The following RLF variants were observed in gnomAD, a reference collection of about 807,000 sequenced individuals.
The protein encoded by RLF is zinc finger protein Rlf.
RLF carries 7 observed loss-of-function variants against 162.9 expected under a neutral mutation model. The observed-to-expected ratio is 0.04, with a 90% CI of 0.02 to 0.08. The LOEUF (loss-of-function observed/expected upper bound fraction) is 0.08, where lower values mean the gene tolerates loss of function less well. RLF is among the 10% of genes least tolerant of loss of function. The probability of loss-of-function intolerance (pLI) is 1.00; values close to 1 mark genes in which losing one functional copy is unlikely to be tolerated. For missense variants in RLF, 1,664 were observed against 2,244.7 expected, an observed-to-expected ratio of 0.74 and a Z score of 5.23; for synonymous variants, 782 against 791.5, an observed-to-expected ratio of 0.99 and a Z score of 0.20.
At chr1:40,177,292 C>T (rs1570519060) in intron 1 of RLF, among the ~76,000 whole-genome samples, 1 of 144,100 alleles carries the variant, frequency 6.9e-6, no homozygotes, top group East Asian at 2.0e-4. Context: ...TTCTTTCTTT[C>T]TTTTTTTTTT....
rs200229123 is a variant in RLF at position 40,224,533 on chromosome 1, CA to C, written c.947+1826del. 3.3e-3 allele frequency among the ~76,000 whole-genome samples: 487 copies of C among 147,224 alleles called. 11 individuals are homozygous for C. Among genetic ancestry groups the C allele is most frequent in the East Asian group, 0.029 (142 of 4,964 alleles). Reference sequence around the variant, plus strand: ...CTTGTGATCCACTGCCTCAGCCTCCCAAAGTGCTAGGGTTACAGACGTGAGC... The same window carrying C: ...CTTGTGATCCACTGCCTCAGCCTCCCAAGTGCTAGGGTTACAGACGTGAGC... On this transcript the variant is annotated intron_variant, in intron 6 of 7. Coordinates refer to ENST00000372771, the MANE Select transcript of RLF (RefSeq NM_012421.4).
chr1:40,177,425 G>C (rs775111917), intron 1 of RLF, among the ~76,000 whole-genome samples: 53 of 152,030 alleles, frequency 3.5e-4, no homozygotes, highest in Non-Finnish European at 5.9e-4. Context: ...AAGTAGCTGG[G>C]ACTACAGGCG....
At chr1:40,224,622 GCTTTTTTTTTTT>G (rs1643042551) in intron 6 of RLF, among the ~76,000 whole-genome samples, 7 of 13,510 alleles carry the variant, frequency 5.2e-4, no homozygotes, top group African/African-American at 1.8e-3. Flanking sequence ...GTTTTTGAAA[GCTTTTTTTTTTT>G]TTTTTTTTTT....
chr1:40,212,450 G>C (rs538231879), intron 5 of RLF, among the ~76,000 whole-genome samples: 21 of 152,206 alleles, frequency 1.4e-4, no homozygotes, highest in Non-Finnish European at 1.9e-4. Flanking sequence ...TTTAATAAAA[G>C]TTATAGACTT....
intron 6 of RLF, among the ~76,000 whole-genome samples, chr1:40,227,658 A>G (rs1643095317): frequency 6.6e-6 from 1 of 152,168 alleles, no homozygotes; most frequent in Non-Finnish European, 1.5e-5. Flanking sequence ...GGAGCCTGAA[A>G]TACTTAATTT....
At chr1:40,210,992 G>A (rs551903988) in intron 5 of RLF, among the ~76,000 whole-genome samples, 1 of 152,274 alleles carries the variant, frequency 6.6e-6, no homozygotes, top group Non-Finnish European at 1.5e-5. Flanking sequence ...CACAACAGGG[G>A]GTTGGCACCC....
At chr1:40,224,948 GC>G (rs1331791557) in intron 6 of RLF, among the ~76,000 whole-genome samples, 4 of 151,636 alleles carry the variant, frequency 2.6e-5, no homozygotes, top group African/African-American at 2.4e-5. Context: ...GGTCATGCCA[GC>G]CCAGGAGACA....
chr1:40,232,294 A>G (rs1229962286), intron 7 of RLF, among the ~76,000 whole-genome samples: 1 of 152,064 alleles, frequency 6.6e-6, no homozygotes, highest in East Asian at 1.9e-4. Context: ...TGGCCATTAG[A>G]ACATTTTGTT....
chr1:40,223,522 C>G (rs1222422502), intron 6 of RLF, among the ~76,000 whole-genome samples: 1 of 152,188 alleles, frequency 6.6e-6, no homozygotes, highest in African/African-American at 2.4e-5. Flanking sequence ...ATTTCAGAAC[C>G]TAAGGATGGC....
chr1:40,189,872 C>T (rs1271796552), intron 2 of RLF, among the ~76,000 whole-genome samples: 3 of 152,096 alleles, frequency 2.0e-5, no homozygotes, highest in Non-Finnish European at 2.9e-5. Context: ...GACAAAATTA[C>T]ACCTTTATTG....
Position 40,239,086 on chromosome 1 carries a change from T to G in RLF, c.4384T>G (p.Ser1462Ala), listed in dbSNP as rs755864186. ...GATTTTCACCCATCGCAGTAATTAC[T>G]CACAACATGTATATTACCGACATAA... ...GQIFTHRSNY[S>A]QHVYYRHKDY... Residue 1462 changes from serine to alanine, a missense_variant, in exon 8 of 8, where the codon TCA becomes GCA. Coordinates refer to ENST00000372771, the MANE Select transcript of RLF (RefSeq NM_012421.4). 1.8e-5 allele frequency: 29 copies of G among 1,614,070 alleles called. No homozygotes were observed. The highest frequency in any genetic ancestry group is 2.7e-5 in the African/African-American group (2 of 74,948).
intron 5 of RLF, among the ~76,000 whole-genome samples, chr1:40,205,530 C>A (rs1212183570): frequency 6.9e-6 from 1 of 144,694 alleles, no homozygotes; most frequent in Non-Finnish European, 1.5e-5. Context: ...CGCACTGTCA[C>A]CCAGGCTGGA....
Position 40,167,641 on chromosome 1 carries a change from C to A in RLF, c.237+6005C>A, listed in dbSNP as rs147689193. 8.6e-5 allele frequency among the ~76,000 whole-genome samples: 13 copies of A among 151,978 alleles called. No individual in the cohort carries two copies. The East Asian group carries it at 1.9e-3, about 23-fold the overall frequency. ...AGATACTTGTCACCTTTCCCAGTGA[C>A]CTTCCTTGACTGTCTTATCTAAAAT... On this transcript the variant is annotated intron_variant, in intron 1 of 7. Coordinates refer to ENST00000372771, the MANE Select transcript of RLF (RefSeq NM_012421.4).
intron 1 of RLF, among the ~76,000 whole-genome samples, chr1:40,171,448 T>C (rs187297221): frequency 1.3e-4 from 20 of 152,348 alleles, no homozygotes; most frequent in Admixed American, 1.3e-3. Context: ...ATAAAATGTA[T>C]ATCCTTGCTT....
At chr1:40,220,084 A>G (rs1248455099) in intron 5 of RLF, among the ~76,000 whole-genome samples, 1 of 152,108 alleles carries the variant, frequency 6.6e-6, no homozygotes, top group Non-Finnish European at 1.5e-5. Context: ...AAATATAAAA[A>G]AATTAGCCGG....
chr1:40,236,320 C>T lies in RLF; in HGVS notation c.1618C>T (p.Pro540Ser). 1 of 1,613,822 alleles carries T rather than the reference C, an allele frequency of 6.2e-7. No homozygotes were observed. The highest frequency in any genetic ancestry group is 8.5e-7 in the Non-Finnish European group (1 of 1,179,958). Residue 540 changes from proline to serine, a missense_variant, in exon 8 of 8, where the codon CCT becomes TCT. Transcript: ENST00000372771. This position sits in a 1 kb window ranked among gnomAD's most constrained non-coding sequence, Gnocchi z 7.7. ...GCATAAGGAGAAAAGAGACAAAAAA[C>T]CTATTGGCTCTTCTGAAAGATATCA... is the stretch of plus-strand genomic sequence containing the variant. ...DQHKEKRDKK[P>S]IGSSERYQRW...
At position 40,240,696 on chromosome 1, in the gene RLF, CTAAT is replaced by C; in HGVS notation, c.*254_*257del. 5.0e-6 allele frequency: 2 copies of C among 398,974 alleles called. No individual in the cohort carries two copies. Among genetic ancestry groups the C allele is most frequent in the Non-Finnish European group, 4.5e-6 (1 of 220,216 alleles). 24.7% of individuals were successfully genotyped at this position (398,974 alleles called of 1,614,324 possible). On this transcript the variant is annotated 3_prime_UTR_variant, in exon 8 of 8. Transcript: ENST00000372771. ...AATGGAACTGTACACTTGTTTGGTG[CTAAT>C]TAATACATCAAAATATACTGGGGCT...
chr1:40,221,917 A>AAAAAAAAAAAAAAAGAG (rs1486982312), intron 5 of RLF, among the ~76,000 whole-genome samples: 2 of 150,282 alleles, frequency 1.3e-5, no homozygotes, highest in African/African-American at 4.9e-5. Flanking sequence ...AAAAAAAAAA[A>AAAAAAAAAAAAAAAGAG]AGAGAAAGGA....
intron 5 of RLF, among the ~76,000 whole-genome samples, chr1:40,216,635 A>C (rs1570551479): frequency 6.6e-6 from 1 of 152,216 alleles, no homozygotes; most frequent in East Asian, 1.9e-4. Context: ...CATTTACGGA[A>C]GAATTAATAC....
Sources: allele counts gnomAD v4.1 joint callset (sites outside exome capture counted in the v4.1 genomes callset), GRCh38; gene constraint gnomAD v4.1.1; non-coding constraint Gnocchi (gnomAD v3.1); transcripts MANE v1.5; gene names NCBI Gene and HGNC (gene_info 2026-07-23, HGNC 2026-07-21).